Variants in RASGEF1A observed in about 807,000 individuals in gnomAD.
RASGEF1A encodes the protein ras-GEF domain-containing family member 1A.
A neutral mutation model predicts 56.4 loss-of-function variants in RASGEF1A; 18 were observed. The observed-to-expected ratio is 0.32, with a 90% CI of 0.22 to 0.47. The LOEUF (loss-of-function observed/expected upper bound fraction) is 0.47, where lower values mean the gene tolerates loss of function less well. Among genes scored for constraint, RASGEF1A ranks in the 20% least tolerant of loss-of-function variants. The pLI is 1.00. For synonymous variants in RASGEF1A, 245 were observed against 242.6 expected (o/e 1.01, Z -0.09); for missense variants, 422 against 627.1 (o/e 0.67, Z 3.49).
At chr10:43,263,836 C>T (rs1836576931) in intron 1 of RASGEF1A, among the ~76,000 whole-genome samples, 1 of 152,198 alleles carries the variant, frequency 6.6e-6, no homozygotes. Flanking sequence ...AACCGGACTA[C>T]TCTCCCTGCC....
At position 43,196,426 on chromosome 10, in the gene RASGEF1A, T is replaced by C; in HGVS notation, c.1421+50A>G. On this transcript the variant is annotated intron_variant, in intron 12 of 12. Coordinates refer to ENST00000395810, the MANE Select transcript of RASGEF1A (RefSeq NM_145313.4). The surrounding 1 kb of genome is among the most constrained non-coding windows in gnomAD (Gnocchi z 4.6). ...AGGAGGGTAACCCTCGTGCCCACCCTGAGTCCTCCCTCTTCCTTACAGACT... is the reference window on the plus strand; with the variant it reads ...AGGAGGGTAACCCTCGTGCCCACCCCGAGTCCTCCCTCTTCCTTACAGACT... 1 of 1,589,166 alleles carries C rather than the reference T, an allele frequency of 6.3e-7. No homozygotes were observed. Among genetic ancestry groups the C allele is most frequent in the East Asian group, 2.2e-5 (1 of 44,692 alleles).
chr10:43,218,143 T>C (rs1840161485), intron 1 of RASGEF1A, among the ~76,000 whole-genome samples: 1 of 152,158 alleles, frequency 6.6e-6, no homozygotes, highest in Non-Finnish European at 1.5e-5. Context: ...CAATGCCTGG[T>C]GGGTTCTGAT....
At chr10:43,202,648 G>GCCCCCCCCCCCCCCCCCCCC in intron 3 of RASGEF1A, 3 of 459,812 alleles carry the variant, frequency 6.5e-6, no homozygotes, top group South Asian at 1.6e-5. Flanking sequence ...CCCGCCCCCG[G>GCCCCCCCCCCCCCCCCCCCC]CCCCCGCACC....
intron 1 of RASGEF1A, among the ~76,000 whole-genome samples, chr10:43,233,303 CGT>C (rs900355951): frequency 5.3e-5 from 8 of 151,870 alleles, no homozygotes; most frequent in Admixed American, 2.0e-4. Context: ...TGTGTGTGCA[CGT>C]GTGTGTGTGC....
chr10:43,201,983 G>A (rs1214174046), intron 3 of RASGEF1A, 38 bp from the exon 4 acceptor site: 1 of 1,565,064 alleles, frequency 6.4e-7, no homozygotes. Context: ...GCCCCACAGG[G>A]CAGAGTAGGG....
chr10:43,206,931 C>T, intron 1 of RASGEF1A: 2 of 985,570 alleles, frequency 2.0e-6, no homozygotes, highest in Non-Finnish European at 2.4e-6. Flanking sequence ...GCCTCGGTGC[C>T]CACACTGGGA....
chr10:43,257,615 G>C (rs543584454), intron 1 of RASGEF1A, among the ~76,000 whole-genome samples: 1 of 152,210 alleles, frequency 6.6e-6, no homozygotes, highest in Non-Finnish European at 1.5e-5. Flanking sequence ...GCCTCCCCAG[G>C]GGGTAGTGAC....
chr10:43,205,192 G>C (rs1048579722), intron 2 of RASGEF1A, among the ~76,000 whole-genome samples: 1 of 152,172 alleles, frequency 6.6e-6, no homozygotes, highest in Non-Finnish European at 1.5e-5. Flanking sequence ...AGGGAGAGGG[G>C]ATAGCATGAT....
rs747589189 is a variant in RASGEF1A at position 43,196,245 on chromosome 10, C to T, written c.1445G>A (p.Ter482=). ...TLRTTLLNRA[*] ...CTGGCGTCGCGGGCTGCATCCGCCT[C>T]AGGCTCTGTTCAGAAGGGTGGTCCT... Residue 482 remains the stop codon, a stop_retained_variant, in exon 13 of 13, where the codon TGA becomes TAA. Coordinates refer to ENST00000395810, the MANE Select transcript of RASGEF1A (RefSeq NM_145313.4). The surrounding 1 kb of genome is among the most constrained non-coding windows in gnomAD (Gnocchi z 4.6). 1 of 1,613,466 alleles carries T rather than the reference C, an allele frequency of 6.2e-7. No individual in the cohort carries two copies. Among genetic ancestry groups the T allele is most frequent in the Non-Finnish European group, 8.5e-7 (1 of 1,179,596 alleles).
At chr10:43,249,831 C>T (rs941344799) in intron 1 of RASGEF1A, among the ~76,000 whole-genome samples, 3 of 152,208 alleles carry the variant, frequency 2.0e-5, no homozygotes, top group South Asian at 2.1e-4. Context: ...CCCCCACCAC[C>T]GGCCCCCACG....
At chr10:43,258,235 C>T (rs1651365544) in intron 1 of RASGEF1A, among the ~76,000 whole-genome samples, 1 of 152,208 alleles carries the variant, frequency 6.6e-6, no homozygotes, top group South Asian at 2.1e-4. Flanking sequence ...TTTGCAGCCT[C>T]CATCATCTGA....
At chr10:43,231,039 A>G (rs1003825048) in intron 1 of RASGEF1A, among the ~76,000 whole-genome samples, 2 of 152,214 alleles carry the variant, frequency 1.3e-5, no homozygotes, top group African/African-American at 4.8e-5. Context: ...AGCATGCACT[A>G]TACATTACTG....
intron 1 of RASGEF1A, 98 bp downstream of exon 1, chr10:43,266,747 C>G (rs1391965245): frequency 1.4e-5 from 2 of 146,046 alleles, no homozygotes; most frequent in Non-Finnish European, 3.0e-5. Context: ...ACCCCGGGCC[C>G]GCGCACGCCG....
chr10:43,233,373 T>C (rs542802805), intron 1 of RASGEF1A, among the ~76,000 whole-genome samples: 2 of 152,312 alleles, frequency 1.3e-5, no homozygotes, highest in South Asian at 2.1e-4. Flanking sequence ...GATATGGTTG[T>C]ATATATCCAG....
chr10:43,256,941 G>T (rs368477590), intron 1 of RASGEF1A, among the ~76,000 whole-genome samples: 2 of 152,170 alleles, frequency 1.3e-5, no homozygotes, highest in African/African-American at 4.8e-5. Flanking sequence ...TGCCTTCATC[G>T]CTCCCTCCTG....
chr10:43,253,233 A>T (rs2133226263), intron 1 of RASGEF1A, among the ~76,000 whole-genome samples: 1 of 152,166 alleles, frequency 6.6e-6, no homozygotes, highest in South Asian at 2.1e-4. Flanking sequence ...CGGGTGCCAC[A>T]ACCTCCAAAC....
chr10:43,214,423 G>A (rs114989630), intron 1 of RASGEF1A, among the ~76,000 whole-genome samples: 2,671 of 152,324 alleles, frequency 0.018, 73 homozygotes, highest in African/African-American at 0.061. Flanking sequence ...GGACGCAGGG[G>A]TCAGTGAGCA....
intron 1 of RASGEF1A, among the ~76,000 whole-genome samples, chr10:43,261,014 C>G (rs1224879211): frequency 2.0e-5 from 3 of 152,160 alleles, no homozygotes; most frequent in Non-Finnish European, 2.9e-5. Flanking sequence ...GACTGCTCAG[C>G]CTGTGCGCAC....
At chr10:43,259,373 C>A (rs1029885300) in intron 1 of RASGEF1A, among the ~76,000 whole-genome samples, 3 of 152,162 alleles carry the variant, frequency 2.0e-5, no homozygotes, top group Non-Finnish European at 2.9e-5. Flanking sequence ...GTGCAGCAGT[C>A]ATCCACACTT....
Sources: gnomAD v4.1 joint callset for allele counts (sites outside exome capture counted in the v4.1 genomes callset) on GRCh38, gnomAD v4.1.1 for gene constraint, Gnocchi (gnomAD v3.1) non-coding constraint, MANE v1.5 for transcripts, NCBI Gene and HGNC (gene_info 2026-07-23, HGNC 2026-07-21) for gene names.